The following CCDC178 variants were observed in gnomAD, a reference collection of about 807,000 sequenced individuals.
CCDC178 encodes the protein coiled-coil domain-containing protein 178.
CCDC178 carries 126 observed loss-of-function variants against 117.4 expected under a neutral mutation model. That is an observed-to-expected ratio of 1.07 (90% CI 0.93 to 1.24). CCDC178 has a LOEUF of 1.24. CCDC178 is among the 50% of genes most tolerant of loss of function. CCDC178 has a pLI of 0.00. For missense variants in CCDC178, 1,030 were observed against 986.9 expected, an observed-to-expected ratio of 1.04 and a Z score of -0.59; for synonymous variants, 283 against 313.4, an observed-to-expected ratio of 0.90 and a Z score of 1.02.
chr18:33,284,243 G>A (rs973349344), intron 12 of CCDC178, among the ~76,000 whole-genome samples: 2 of 152,072 alleles, frequency 1.3e-5, no homozygotes, highest in Non-Finnish European at 2.9e-5. Context: ...AACACACATT[G>A]GGACCTATCA....
chr18:33,324,732 T>A (rs1418447149), intron 10 of CCDC178, among the ~76,000 whole-genome samples: 1 of 146,546 alleles, frequency 6.8e-6, no homozygotes, highest in Non-Finnish European at 1.5e-5. Context: ...TTAGGATATA[T>A]TATGTGTCTA....
chr18:33,110,272 CT>C (rs1451642125), intron 20 of CCDC178, among the ~76,000 whole-genome samples: 4 of 151,444 alleles, frequency 2.6e-5, no homozygotes, highest in African/African-American at 9.7e-5. Context: ...GTTACAGTTT[CT>C]TTATTCATCA....
intron 21 of CCDC178, among the ~76,000 whole-genome samples, chr18:33,031,318 C>G (rs1295545258): frequency 6.6e-6 from 1 of 151,472 alleles, no homozygotes; most frequent in Admixed American, 6.6e-5. Flanking sequence ...ACAATTATAG[C>G]ACTTCATAGC....
chr18:33,214,223 G>T (rs1217366726), intron 19 of CCDC178, among the ~76,000 whole-genome samples: 2 of 152,124 alleles, frequency 1.3e-5, no homozygotes, highest in East Asian at 3.9e-4. Context: ...ATGAGACAAG[G>T]TACACACATT....
chr18:33,226,514 G>A (rs1455408610), intron 16 of CCDC178, among the ~76,000 whole-genome samples: 1 of 152,098 alleles, frequency 6.6e-6, no homozygotes, highest in Non-Finnish European at 1.5e-5. Context: ...AAACTAAAGA[G>A]TCAGACACTT....
chr18:33,247,398 A>G (rs563871730), intron 14 of CCDC178, among the ~76,000 whole-genome samples: 1 of 152,048 alleles, frequency 6.6e-6, no homozygotes, highest in South Asian at 2.1e-4. Context: ...AAATAGATAG[A>G]TGGGGAAGAC....
intron 20 of CCDC178, among the ~76,000 whole-genome samples, chr18:33,132,635 T>C (rs1391051483): frequency 6.6e-6 from 1 of 151,770 alleles, no homozygotes; most frequent in South Asian, 2.1e-4. Context: ...TTTCTTTTCA[T>C]TTGAAATGGT....
chr18:33,095,753 T>A (rs2057532195), intron 20 of CCDC178, among the ~76,000 whole-genome samples: 2 of 151,916 alleles, frequency 1.3e-5, no homozygotes, highest in Non-Finnish European at 1.5e-5. Context: ...TATTTGATAC[T>A]GTACTACTTG....
chr18:33,398,672 G>T (rs1452103824), intron 3 of CCDC178, among the ~76,000 whole-genome samples: 1 of 152,120 alleles, frequency 6.6e-6, no homozygotes, highest in African/African-American at 2.4e-5. Context: ...GTTAACTGGA[G>T]GAATGAGGGA....
intron 20 of CCDC178, among the ~76,000 whole-genome samples, chr18:33,148,673 G>T (rs995601734): frequency 1.3e-5 from 2 of 152,036 alleles, no homozygotes; most frequent in East Asian, 1.9e-4. Context: ...GAAACACTAG[G>T]TGTCATGCGA....
intron 12 of CCDC178, among the ~76,000 whole-genome samples, chr18:33,270,297 A>G (rs975705109): frequency 6.6e-6 from 1 of 151,684 alleles, no homozygotes; most frequent in African/African-American, 2.4e-5. Flanking sequence ...CAAAGAAGAA[A>G]AGAGAGGGGG....
At chr18:33,340,136 G>A (rs2062797117) in intron 9 of CCDC178, among the ~76,000 whole-genome samples, 1 of 152,048 alleles carries the variant, frequency 6.6e-6, no homozygotes, top group African/African-American at 2.4e-5. Context: ...AGGATGAGGT[G>A]GTCTCAGACA....
At chr18:33,016,094 T>G (rs1336054594) in intron 21 of CCDC178, among the ~76,000 whole-genome samples, 1 of 152,070 alleles carries the variant, frequency 6.6e-6, no homozygotes, top group Non-Finnish European at 1.5e-5. Context: ...AATTTCCGTA[T>G]ATAGAAATAT....
At chr18:33,264,985 G>A (rs2059795538) in intron 14 of CCDC178, among the ~76,000 whole-genome samples, 1 of 152,012 alleles carries the variant, frequency 6.6e-6, no homozygotes, top group Non-Finnish European at 1.5e-5. Flanking sequence ...GTCCTTATTA[G>A]ATCACCGACT....
At chr18:33,118,611 T>C (rs2057891726) in intron 20 of CCDC178, among the ~76,000 whole-genome samples, 1 of 152,116 alleles carries the variant, frequency 6.6e-6, no homozygotes, top group Non-Finnish European at 1.5e-5. Context: ...AAAATGGCCA[T>C]ACTGCCCAAG....
chr18:33,285,929 C>A (rs936935905), intron 12 of CCDC178, among the ~76,000 whole-genome samples: 3 of 150,542 alleles, frequency 2.0e-5, no homozygotes, highest in Non-Finnish European at 4.4e-5. Flanking sequence ...AAAATACACA[C>A]ATAAAAAGTG....
chr18:33,083,861 ACT>A (rs566369102), intron 21 of CCDC178, among the ~76,000 whole-genome samples: 34 of 152,256 alleles, frequency 2.2e-4, no homozygotes, highest in Middle Eastern at 3.4e-3. Context: ...GTTGATAAAA[ACT>A]CTTCTCATTT....
At chr18:33,128,976 T>C (rs271574) in intron 20 of CCDC178, among the ~76,000 whole-genome samples, 1,958 of 152,202 alleles carry the variant, frequency 0.013, 23 homozygotes, top group Middle Eastern at 0.02. Flanking sequence ...AAGTTTTATA[T>C]CCCATAAGAA....
chr18:33,337,661 G>A (rs1448130942), intron 9 of CCDC178, among the ~76,000 whole-genome samples: 1 of 152,132 alleles, frequency 6.6e-6, no homozygotes, highest in Non-Finnish European at 1.5e-5. Flanking sequence ...AGTGAGGAAA[G>A]GACACCCTAT....
Sources: gnomAD v4.1 joint callset for allele counts (sites outside exome capture counted in the v4.1 genomes callset) on GRCh38, gnomAD v4.1.1 for gene constraint, MANE v1.5 for transcripts, NCBI Gene and HGNC (gene_info 2026-07-23, HGNC 2026-07-21) for gene names.